The following ZNF486 variants were observed in gnomAD, a reference collection of about 807,000 sequenced individuals.
ZNF486 encodes zinc finger protein 486, also known as KRAB box only protein 2.
A neutral mutation model predicts 12.8 loss-of-function variants in ZNF486; 12 were observed. That is an observed-to-expected ratio of 0.94 (90% CI 0.60 to 1.52). The LOEUF is 1.52. Ranked by LOEUF, ZNF486 falls within the 40% of genes most tolerant of loss-of-function variation. ZNF486 has a pLI of 0.00. For synonymous variants in ZNF486, 231 were observed against 184.9 expected (o/e 1.25, Z -2.02); for missense variants, 738 against 545.0 (o/e 1.35, Z -3.53).
At chr19:20,170,939 A>G (rs1555713807) in intron 1 of ZNF486, among the ~76,000 whole-genome samples, 2 of 152,184 alleles carry the variant, frequency 1.3e-5, no homozygotes, top group Non-Finnish European at 2.9e-5. Context: ...CAAATTATTG[A>G]ACTTCAGGAA....
intron 2 of ZNF486, among the ~76,000 whole-genome samples, chr19:20,185,408 T>G (rs990824665): frequency 7.6e-6 from 1 of 131,064 alleles, no homozygotes; most frequent in Non-Finnish European, 1.6e-5. Flanking sequence ...GTTTATGTTT[T>G]TTTTTTTTTT....
At chr19:20,168,381 G>T (rs1257919553) in intron 1 of ZNF486, among the ~76,000 whole-genome samples, 2 of 152,156 alleles carry the variant, frequency 1.3e-5, no homozygotes, top group Non-Finnish European at 2.9e-5. Context: ...AGGGCCAGGC[G>T]CAGTGGCTCA....
chr19:20,188,558 G>A, intron 3 of ZNF486: 1 of 397,946 alleles, frequency 2.5e-6, no homozygotes, highest in Non-Finnish European at 4.4e-6. Context: ...GTGGTATGCA[G>A]CTGTGGTACC....
chr19:20,180,563 G>C (rs2089773651), intron 1 of ZNF486, among the ~76,000 whole-genome samples: 1 of 152,192 alleles, frequency 6.6e-6, no homozygotes, highest in Non-Finnish European at 1.5e-5. Flanking sequence ...TTTATGAATA[G>C]AATAATTGTT....
At position 20,193,647 on chromosome 19, in the gene ZNF486, C is replaced by T. The variant is rs532979585; in HGVS notation, c.254-3317C>T. Among the ~76,000 whole-genome samples the T allele has an allele frequency of 2.8e-4, 43 of 151,566 alleles. 1 individual carries two copies. Among genetic ancestry groups the T allele is most frequent in the Non-Finnish European group, 1.2e-4 (8 of 67,920 alleles). On this transcript the variant is annotated intron_variant, in intron 3 of 3. Coordinates refer to ENST00000335117, the MANE Select transcript of ZNF486 (RefSeq NM_052852.4). Reference sequence around the variant, plus strand: ...CTGTACTCCAGCCTGGACAACAGAGCGAAACTCCGTCTCAAAAAATAAAAA... The same window carrying T: ...CTGTACTCCAGCCTGGACAACAGAGTGAAACTCCGTCTCAAAAAATAAAAA...
chr19:20,173,039 CT>C (rs1441400333), intron 1 of ZNF486, among the ~76,000 whole-genome samples: 1 of 152,222 alleles, frequency 6.6e-6, no homozygotes, highest in African/African-American at 2.4e-5. Context: ...TGATAGTTTC[CT>C]TTGCTGTAAA....
chr19:20,196,329 A>T (rs908337184), intron 3 of ZNF486, among the ~76,000 whole-genome samples: 23 of 151,804 alleles, frequency 1.5e-4, no homozygotes, highest in Non-Finnish European at 2.9e-4. Flanking sequence ...AATTTACTTT[A>T]AAAAAAAATT....
chr19:20,182,992 C>G lies in ZNF486; in HGVS notation c.31-1364C>G, dbSNP rs181737873. ...CTCCTGGACCCCCATGAGTTTAGTA[C>G]TCACAAACCTTTACTTCTCTACTTG... On this transcript the variant is annotated intron_variant, in intron 1 of 3. Transcript: ENST00000335117. 1.1e-3 allele frequency among the ~76,000 whole-genome samples: 166 copies of G among 152,232 alleles called. 1 individual carries two copies. The highest frequency in any genetic ancestry group is 3.9e-3 in the African/African-American group (161 of 41,548).
chr19:20,194,203 T>C (rs929194090), intron 3 of ZNF486, among the ~76,000 whole-genome samples: 1 of 152,218 alleles, frequency 6.6e-6, no homozygotes, highest in Non-Finnish European at 1.5e-5. Context: ...ATCTGTTGTT[T>C]TCTTGCATTA....
In ZNF486 at chr19:20,191,701, C is replaced by T. The variant is rs2089904998; in HGVS notation, c.254-5263C>T. ...AGGAGAATGGCGTGAACCTGGGAGG[C>T]GGAGCTTGTAGTGAGCTGAGATTGC... On this transcript the variant is annotated intron_variant, in intron 3 of 3. Coordinates refer to ENST00000335117, the MANE Select transcript of ZNF486 (RefSeq NM_052852.4). Among the ~76,000 whole-genome samples, 3 of 151,960 alleles carry T rather than the reference C, an allele frequency of 2.0e-5. No individual in the cohort carries two copies. In the South Asian group the frequency reaches 6.2e-4, roughly 32 times the overall value.
At chr19:20,195,851 C>A (rs901266479) in intron 3 of ZNF486, among the ~76,000 whole-genome samples, 2 of 152,204 alleles carry the variant, frequency 1.3e-5, no homozygotes, top group African/African-American at 4.8e-5. Flanking sequence ...TACCTTTAGA[C>A]TCAGCAAACT....
chr19:20,186,786 T>TTTTTTTTTTG (rs1295559653), intron 3 of ZNF486, among the ~76,000 whole-genome samples: 20 of 144,168 alleles, frequency 1.4e-4, no homozygotes, highest in Non-Finnish European at 2.9e-4. Flanking sequence ...TTTCATAGGT[T>TTTTTTTTTTG]TTTTTTTTTT....
In ZNF486 at chr19:20,175,501, T is replaced by C. The variant is rs531094947; in HGVS notation, c.30+8141T>C. 6.5e-3 allele frequency among the ~76,000 whole-genome samples: 988 copies of C among 151,422 alleles called. 7 individuals are homozygous for C. Among genetic ancestry groups the C allele is most frequent in the African/African-American group, 0.022 (909 of 41,024 alleles). On this transcript the variant is annotated intron_variant, in intron 1 of 3. Coordinates refer to ENST00000335117, the MANE Select transcript of ZNF486 (RefSeq NM_052852.4). The stretch of plus-strand genomic sequence containing the variant: ...CGGCCTTCCGCAGTGTTTGTGTCCC[T>C]GGGTACTTGAGATTAGGGAGTGGTG...
chr19:20,197,510 T>G lies in ZNF486; in HGVS notation c.800T>G (p.Ile267Ser). ...ATTCATAGTGGAGAGAAACCCTACA[T>G]TTGTGAAGAATGTGGCAAAGCCTTT... ...KKIHSGEKPY[I>S]CEECGKAFMY... is the part of the protein sequence containing the mutation. Residue 267 changes from isoleucine (I) to serine (S), a missense_variant, in exon 4 of 4, where the codon ATT becomes AGT. Physicochemically the swap from Ile to Ser is moderately radical, Grantham distance 142. Transcript: ENST00000335117. The G allele has an allele frequency of 1.2e-6, 2 of 1,607,642 alleles. No homozygotes were observed. The highest frequency in any genetic ancestry group is 1.7e-6 in the Non-Finnish European group (2 of 1,176,900).
rs572426825 is a variant in ZNF486 at position 20,177,490 on chromosome 19, A to G, written c.31-6866A>G. ...GTGCTTTAAATTCTTCTACTTATGG[A>G]CTAATTATGTTGACCATCTTTCTGT... On this transcript the variant is annotated intron_variant, in intron 1 of 3. Transcript: ENST00000335117. Among the ~76,000 whole-genome samples, 10 of 152,352 alleles carry G rather than the reference A, an allele frequency of 6.6e-5. No individual in the cohort carries two copies. In the South Asian group the frequency reaches 2.1e-3, roughly 32 times the overall value.
Position 20,197,473 on chromosome 19 carries a change from A to T in ZNF486, c.763A>T (p.Thr255Ser). The change falls in exon 4 of 4, where the codon ACA becomes TCA. Residue 255 changes from threonine (T) to serine (S), a missense_variant. By Grantham distance (58) the Thr-to-Ser change is moderately conservative. Transcript: ENST00000335117. ...CTTTAAGTACTTCTCTAGCTTTACT[A>T]CACATAAGAAAATTCATAGTGGAGA... ...KVFKYFSSFT[T>S]HKKIHSGEKP... The T allele has an allele frequency of 6.2e-7, 1 of 1,608,758 alleles. No individual in the cohort carries two copies. The highest frequency in any genetic ancestry group is 8.5e-7 in the Non-Finnish European group (1 of 1,177,182).
At chr19:20,185,138 A>G (rs1490619150) in intron 2 of ZNF486, among the ~76,000 whole-genome samples, 1 of 152,160 alleles carries the variant, frequency 6.6e-6, no homozygotes, top group East Asian at 1.9e-4. Context: ...TATTGAATCT[A>G]TAGATCACTT....
intron 1 of ZNF486, among the ~76,000 whole-genome samples, chr19:20,179,012 A>G (rs2089754908): frequency 6.6e-6 from 1 of 152,210 alleles, no homozygotes; most frequent in South Asian, 2.1e-4. Flanking sequence ...CAGGCCCTAA[A>G]TCTACAGCTC....
chr19:20,198,252 C>T lies in ZNF486; in HGVS notation c.*150C>T. ...CTTAGTAGCTAGGATTACAGGGCTG[C>T]ACCACCACACCTGGCTAATTTTGTA... is the stretch of plus-strand genomic sequence containing the variant. On this transcript the variant is annotated 3_prime_UTR_variant, in exon 4 of 4. Transcript: ENST00000335117. 6.2e-6 allele frequency: 4 copies of T among 649,336 alleles called. No homozygotes were observed. Among genetic ancestry groups the T allele is most frequent in the East Asian group, 2.8e-5 (1 of 35,974 alleles). The allele number at this position is 649,336 out of a possible 1,614,324, so 40.2% of individuals were successfully genotyped here. A position where few individuals can be genotyped will look rare whatever the true frequency, so the allele number is the denominator to read the frequency against.
Sources: gnomAD v4.1 joint callset for allele counts (sites outside exome capture counted in the v4.1 genomes callset) on GRCh38, gnomAD v4.1.1 for gene constraint, MANE v1.5 for transcripts, NCBI Gene and HGNC (gene_info 2026-07-23, HGNC 2026-07-21) for gene names.